Variants in RALGAPA1 observed in about 807,000 individuals in gnomAD.
RALGAPA1 encodes the protein ral GTPase-activating protein subunit alpha-1.
Under a neutral mutation model 269.6 loss-of-function variants are expected in RALGAPA1, and 52 were observed. The observed-to-expected ratio is 0.19, with a 90% CI of 0.15 to 0.24. The LOEUF is 0.24. RALGAPA1 is among the 10% of genes least tolerant of loss of function. The pLI, the probability that RALGAPA1 is intolerant of heterozygous loss-of-function variation, is 1.00. For synonymous variants in RALGAPA1, 817 were observed against 1,008.3 expected (o/e 0.81, Z 3.60); for missense variants, 1,917 against 3,013.9 (o/e 0.64, Z 8.52).
At position 35,621,452 on chromosome 14, in the gene RALGAPA1, C is replaced by T. The variant is rs528456649; in HGVS notation, c.6929+3909G>A. Among the ~76,000 whole-genome samples the T allele has an allele frequency of 1.4e-4, 22 of 152,116 alleles. No homozygotes were observed. The East Asian group carries it at 2.3e-3, about 16-fold the overall frequency. ...AAATACCATTCAGGACATAGGCATGCGCGAGGACTTCATGACTAAAACACC... is the reference window on the plus strand; with the variant it reads ...AAATACCATTCAGGACATAGGCATGTGCGAGGACTTCATGACTAAAACACC... On this transcript the variant is annotated intron_variant, in intron 35 of 41. Coordinates refer to ENST00000680220, the MANE Select transcript of RALGAPA1 (RefSeq NM_001346249.2).
At chr14:35,719,768 C>T (rs958050566) in intron 16 of RALGAPA1, among the ~76,000 whole-genome samples, 1 of 149,376 alleles carries the variant, frequency 6.7e-6, no homozygotes, top group Non-Finnish European at 1.5e-5. Context: ...GAGACAGAGT[C>T]GCCCTCTGTC....
intron 1 of RALGAPA1, among the ~76,000 whole-genome samples, chr14:35,798,779 C>G (rs2076756644): frequency 6.6e-6 from 1 of 151,946 alleles, no homozygotes; most frequent in African/African-American, 2.4e-5. Context: ...CACTTGGGGC[C>G]AGGAGTTCGA....
intron 35 of RALGAPA1, among the ~76,000 whole-genome samples, chr14:35,606,874 G>A (rs1427165599): frequency 1.3e-5 from 2 of 152,054 alleles, no homozygotes; most frequent in South Asian, 2.1e-4. Flanking sequence ...CATGATAGTG[G>A]GTTGAATATC....
chr14:35,659,593 G>A (rs1224132699), intron 27 of RALGAPA1, among the ~76,000 whole-genome samples: 1 of 151,816 alleles, frequency 6.6e-6, no homozygotes, highest in East Asian at 1.9e-4. Flanking sequence ...AAATATTGAA[G>A]ATGAGTGAAT....
chr14:35,646,226 G>A (rs1337795024), intron 31 of RALGAPA1, among the ~76,000 whole-genome samples: 1 of 152,134 alleles, frequency 6.6e-6, no homozygotes, highest in Non-Finnish European at 1.5e-5. Context: ...CCAGTTAGTG[G>A]AAATTTAAGG....
intron 11 of RALGAPA1, among the ~76,000 whole-genome samples, chr14:35,739,493 G>A (rs866526889): frequency 6.6e-6 from 1 of 152,012 alleles, no homozygotes; most frequent in South Asian, 2.1e-4. Context: ...TGACCCACAA[G>A]CATCTCAAAC....
intron 21 of RALGAPA1, among the ~76,000 whole-genome samples, chr14:35,681,211 T>G (rs1484727255): frequency 6.6e-6 from 1 of 152,204 alleles, no homozygotes; most frequent in African/African-American, 2.4e-5. Context: ...ACTGAATCAT[T>G]TATACATTGT....
intron 1 of RALGAPA1, among the ~76,000 whole-genome samples, chr14:35,802,990 A>T (rs994003536): frequency 6.6e-6 from 1 of 152,120 alleles, no homozygotes; most frequent in Admixed American, 6.6e-5. Context: ...ACCAAGCTCA[A>T]CTAATCTTTA....
intron 10 of RALGAPA1, among the ~76,000 whole-genome samples, chr14:35,745,812 C>T (rs1383565130): frequency 2.0e-5 from 3 of 147,856 alleles, no homozygotes; most frequent in Non-Finnish European, 4.5e-5. Context: ...GGGCCAGGCA[C>T]AGTGGCTCAT....
At chr14:35,710,977 C>G (rs1392882579) in intron 16 of RALGAPA1, among the ~76,000 whole-genome samples, 1 of 152,222 alleles carries the variant, frequency 6.6e-6, no homozygotes, top group Non-Finnish European at 1.5e-5. Context: ...GAAGAAATCT[C>G]CTACTGATGT....
intron 17 of RALGAPA1, among the ~76,000 whole-genome samples, chr14:35,694,323 T>C (rs1360980332): frequency 6.6e-6 from 1 of 152,170 alleles, no homozygotes; most frequent in Non-Finnish European, 1.5e-5. Context: ...TAAACTAGTT[T>C]ACATAGAAAT....
chr14:35,695,180 C>T (rs1334461257), intron 17 of RALGAPA1, among the ~76,000 whole-genome samples: 2 of 151,742 alleles, frequency 1.3e-5, no homozygotes, highest in Non-Finnish European at 2.9e-5. Flanking sequence ...CTGCAGTAAG[C>T]TAGGATGGCA....
chr14:35,630,581 C>G (rs1039046569), intron 33 of RALGAPA1, among the ~76,000 whole-genome samples: 1 of 152,018 alleles, frequency 6.6e-6, no homozygotes, highest in Non-Finnish European at 1.5e-5. Context: ...TGCACCCACC[C>G]AACATTTCTT....
At chr14:35,808,098 A>C (rs2077500317) in intron 1 of RALGAPA1, among the ~76,000 whole-genome samples, 1 of 152,224 alleles carries the variant, frequency 6.6e-6, no homozygotes, top group Non-Finnish European at 1.5e-5. Context: ...AACAGAACTT[A>C]AGGGCAGACG....
At chr14:35,628,232 A>G (rs2061111537) in intron 33 of RALGAPA1, among the ~76,000 whole-genome samples, 3 of 152,176 alleles carry the variant, frequency 2.0e-5, no homozygotes, top group Admixed American at 6.5e-5. Flanking sequence ...TTATAAATCA[A>G]TCATGAAATC....
rs1242573084 is a variant in RALGAPA1, at chr14:35,619,981, C to T, written c.6929+5380G>A. On this transcript the variant is annotated intron_variant, in intron 35 of 41. Coordinates refer to ENST00000680220, the MANE Select transcript of RALGAPA1 (RefSeq NM_001346249.2). The stretch of plus-strand genomic sequence containing the variant: ...GGTACCATTCCTTCTGAAACTATTC[C>T]AATCAATAGAAAAAGAGGGAATCCT... Among the ~76,000 whole-genome samples, 4 of 152,096 alleles carry T rather than the reference C, an allele frequency of 2.6e-5. No individual in the cohort carries two copies. The East Asian group carries it at 7.7e-4, about 29-fold the overall frequency.
At chr14:35,647,443 T>C (rs1594959489) in intron 31 of RALGAPA1, among the ~76,000 whole-genome samples, 1 of 152,176 alleles carries the variant, frequency 6.6e-6, no homozygotes, top group East Asian at 1.9e-4. Context: ...TACTGGTGGC[T>C]TGCATGAGAT....
chr14:35,604,483 A>G (rs2059468834), intron 36 of RALGAPA1, among the ~76,000 whole-genome samples: 1 of 152,024 alleles, frequency 6.6e-6, no homozygotes, highest in South Asian at 2.1e-4. Flanking sequence ...AAAAATCTAT[A>G]TAAAACACTA....
Position 35,688,804 on chromosome 14 carries a change from C to T in RALGAPA1, c.3607G>A (p.Ala1203Thr), listed in dbSNP as rs2066206775. Reference protein sequence around the residue: ...TSNTHTSTNSATELVKPGVYR... With the variant: ...TSNTHTSTNSTTELVKPGVYR... ...ACACCAGGTTTTACTAGCTCTGTAG[C>T]ACTATTTGTGCTGGTATGGGTGTTG... Residue 1203 changes from alanine to threonine, a missense_variant, in exon 18 of 42, where the codon GCT becomes ACT. By Grantham distance (58) the Ala-to-Thr change is moderately conservative. Coordinates refer to ENST00000680220, the MANE Select transcript of RALGAPA1 (RefSeq NM_001346249.2). 1 of 1,402,282 alleles carries T rather than the reference C, an allele frequency of 7.1e-7. No homozygotes were observed. Among genetic ancestry groups the T allele is most frequent in the Non-Finnish European group, 9.2e-7 (1 of 1,082,410 alleles). The allele number at this position is 1,402,282 out of a possible 1,614,324, so 86.9% of individuals were successfully genotyped here.
Sources: gnomAD v4.1 joint callset for allele counts (sites outside exome capture counted in the v4.1 genomes callset) on GRCh38, gnomAD v4.1.1 for gene constraint, MANE v1.5 for transcripts, NCBI Gene and HGNC (gene_info 2026-07-23, HGNC 2026-07-21) for gene names.